The following CNTN5 variants were observed in gnomAD, a reference collection of about 807,000 sequenced individuals.
CNTN5 encodes the protein contactin 5.
Under a neutral mutation model 129.1 loss-of-function variants are expected in CNTN5, and 77 were observed. The observed-to-expected ratio is 0.60, with a 90% CI of 0.50 to 0.72. The LOEUF is 0.72. Among genes scored for constraint, CNTN5 ranks in the 30% least tolerant of loss-of-function variants. CNTN5 has a pLI of 0.00. For missense variants in CNTN5, 1,478 were observed against 1,328.8 expected (o/e 1.11, Z -1.75); for synonymous variants, 509 against 465.6 (o/e 1.09, Z -1.20).
intron 6 of CNTN5, among the ~76,000 whole-genome samples, chr11:99,866,662 T>G (rs1304588417): frequency 6.6e-6 from 1 of 152,154 alleles, no homozygotes; most frequent in Non-Finnish European, 1.5e-5. Flanking sequence ...CTAAAATGAG[T>G]CAAGTAAAAT....
rs71305311 is a variant in CNTN5 at position 100,086,533 on chromosome 11, G to GATAT, written c.1580+12246_1580+12249dup. Among the ~76,000 whole-genome samples the GATAT allele has an allele frequency of 8.8e-3, 1,316 of 149,556 alleles. 19 individuals are homozygous for GATAT. The highest frequency in any genetic ancestry group is 0.028 in the African/African-American group (1,129 of 40,930). On this transcript the variant is annotated intron_variant, in intron 13 of 24. Transcript: ENST00000524871. Reference sequence around the variant, plus strand: ...ACATATACCAATAAAAAAACAGAGGGATATATATATCCATATATATGTATG... The same window carrying GATAT: ...ACATATACCAATAAAAAAACAGAGGGATATATATATATATCCATATATATGTATG...
chr11:99,204,725 A>C (rs923874367), intron 1 of CNTN5, among the ~76,000 whole-genome samples: 1 of 152,140 alleles, frequency 6.6e-6, no homozygotes, highest in African/African-American at 2.4e-5. Context: ...AATCCCCTAA[A>C]GTTAAGTAAA....
intron 8 of CNTN5, among the ~76,000 whole-genome samples, chr11:99,981,772 T>G (rs1938363359): frequency 6.6e-6 from 1 of 152,176 alleles, no homozygotes; most frequent in South Asian, 2.1e-4. Context: ...TTCTATGCCA[T>G]AAGTATAATC....
At chr11:99,457,314 G>T (rs144061599) in intron 2 of CNTN5, among the ~76,000 whole-genome samples, 3 of 151,904 alleles carry the variant, frequency 2.0e-5, no homozygotes, top group Non-Finnish European at 4.4e-5. Context: ...AAGGAAGAAA[G>T]ATGCAGCTCT....
At chr11:99,967,711 A>G (rs1314421368) in intron 8 of CNTN5, among the ~76,000 whole-genome samples, 1 of 152,068 alleles carries the variant, frequency 6.6e-6, no homozygotes, top group Non-Finnish European at 1.5e-5. Flanking sequence ...CCGAGCCGTA[A>G]TTCCTCAACA....
At position 100,113,768 on chromosome 11, in the gene CNTN5, A is replaced by C. The variant is rs1355588428; in HGVS notation, c.1580+39474A>C. The stretch of plus-strand genomic sequence containing the variant: ...AATCTGACATTATTATAAACACTTC[A>C]AATTACTTTACCTTCTTGGTAAACT... On this transcript the variant is annotated intron_variant, in intron 13 of 24. Transcript: ENST00000524871. Among the ~76,000 whole-genome samples, 3 of 152,212 alleles carry C rather than the reference A, an allele frequency of 2.0e-5. No homozygotes were observed. In the East Asian group the frequency reaches 5.8e-4, roughly 29 times the overall value.
intron 21 of CNTN5, chr11:100,337,320 C>G: frequency 1.1e-6 from 1 of 939,946 alleles, no homozygotes; most frequent in Non-Finnish European, 1.8e-6. Context: ...AATGAGTTCA[C>G]CATACATATT....
chr11:99,483,482 CTT>C (rs1385166941), intron 2 of CNTN5, among the ~76,000 whole-genome samples: 2 of 152,128 alleles, frequency 1.3e-5, no homozygotes, highest in Admixed American at 1.3e-4. Context: ...GATTTTGTCT[CTT>C]AGTGCACATT....
At chr11:100,265,578 C>T (rs1044331580) in intron 17 of CNTN5, among the ~76,000 whole-genome samples, 8 of 152,168 alleles carry the variant, frequency 5.3e-5, no homozygotes, top group African/African-American at 9.6e-5. Flanking sequence ...AGTTTAAACT[C>T]GCTGACACAG....
chr11:100,277,275 C>A (rs144875076), intron 18 of CNTN5, among the ~76,000 whole-genome samples: 1 of 152,280 alleles, frequency 6.6e-6, no homozygotes, highest in East Asian at 1.9e-4. Context: ...AATATTACTG[C>A]AATAAATGTG....
chr11:99,783,810 G>C (rs901661316), intron 3 of CNTN5, among the ~76,000 whole-genome samples: 2 of 151,368 alleles, frequency 1.3e-5, no homozygotes, highest in Non-Finnish European at 2.9e-5. Flanking sequence ...TCACACTCTG[G>C]GGACTGTTGT....
At chr11:99,289,645 C>G (rs1340834639) in intron 1 of CNTN5, among the ~76,000 whole-genome samples, 1 of 151,812 alleles carries the variant, frequency 6.6e-6, no homozygotes, top group Non-Finnish European at 1.5e-5. Flanking sequence ...GCTTCTACCT[C>G]CTTTTCCAGA....
At chr11:100,107,565 C>A in intron 13 of CNTN5, among the ~76,000 whole-genome samples, 1 of 145,904 alleles carries the variant, frequency 6.9e-6, no homozygotes, top group African/African-American at 2.6e-5. Context: ...TGTTTGGGAA[C>A]CATACTGAAA....
intron 24 of CNTN5, 58 bp downstream of exon 24, chr11:100,350,928 G>A (rs1952397621): frequency 1.5e-6 from 2 of 1,316,658 alleles, no homozygotes; most frequent in Admixed American, 4.7e-5. Context: ...GAGATGGTAT[G>A]AAAGTCACGA....
chr11:99,618,518 C>A (rs1003434248), intron 3 of CNTN5, among the ~76,000 whole-genome samples: 2 of 152,132 alleles, frequency 1.3e-5, no homozygotes, highest in Non-Finnish European at 2.9e-5. Flanking sequence ...TCTTTGTCAC[C>A]TACCAGAAGA....
intron 2 of CNTN5, among the ~76,000 whole-genome samples, chr11:99,375,681 G>A (rs948786813): frequency 6.6e-6 from 1 of 152,116 alleles, no homozygotes; most frequent in African/African-American, 2.4e-5. Context: ...ATTTGGGGTT[G>A]GCTTTTGTCT....
intron 2 of CNTN5, among the ~76,000 whole-genome samples, chr11:99,515,663 A>G (rs1947019369): frequency 6.6e-6 from 1 of 152,010 alleles, no homozygotes. Flanking sequence ...GTTAATTACT[A>G]ATCAGTTTAT....
rs1186386021 is a variant in CNTN5 at position 99,358,255 on chromosome 11, A to ATTTTTTTTTTTTTT, written c.-71+32778_-71+32791dup. On this transcript the variant is annotated intron_variant, in intron 2 of 24. Coordinates refer to ENST00000524871, the MANE Select transcript of CNTN5 (RefSeq NM_014361.4). ...AGGCGCCCGCCACCACGCCCTGCTGATTTTTTTTTTTTTTTTTTTTAGTAG... is the reference window on the plus strand; with the variant it reads ...AGGCGCCCGCCACCACGCCCTGCTGATTTTTTTTTTTTTTTTTTTTTTTTTTTTTTTTTTAGTAG... Among the ~76,000 whole-genome samples, 51 of 46,920 alleles carry ATTTTTTTTTTTTTT rather than the reference A, an allele frequency of 1.1e-3. 7 individuals are homozygous for ATTTTTTTTTTTTTT. Among genetic ancestry groups the ATTTTTTTTTTTTTT allele is most frequent in the East Asian group, 2.2e-3 (3 of 1,364 alleles). 30.8% of individuals were successfully genotyped at this position (46,920 alleles called of 152,430 possible).
chr11:100,084,568 A>C (rs1237196515), intron 13 of CNTN5, among the ~76,000 whole-genome samples: 2 of 152,156 alleles, frequency 1.3e-5, no homozygotes, highest in African/African-American at 4.8e-5. Context: ...CCTTGACTAC[A>C]AATGGAAAGA....
Sources: allele counts gnomAD v4.1 joint callset (sites outside exome capture counted in the v4.1 genomes callset), GRCh38; gene constraint gnomAD v4.1.1; transcripts MANE v1.5; gene names NCBI Gene and HGNC (gene_info 2026-07-23, HGNC 2026-07-21).